The following ECPAS variants were observed in gnomAD, a reference collection of about 807,000 sequenced individuals.
ECPAS encodes Ecm29 proteasome adaptor and scaffold.
In ECPAS, 70 loss-of-function variants were observed where a neutral mutation model predicts 255.1. The observed-to-expected ratio is 0.27, with a 90% confidence interval of 0.23 to 0.33. ECPAS has a LOEUF of 0.33. ECPAS is among the 10% of genes least tolerant of loss of function. ECPAS has a pLI of 1.00. For missense variants in ECPAS, 1,817 were observed against 2,206.4 expected (o/e 0.82, Z 3.54); for synonymous variants, 784 against 775.0 (o/e 1.01, Z -0.19).
At chr9:111,414,771 C>T (rs531212399) in intron 18 of ECPAS, 120 bp from the exon 19 acceptor site, 11 of 867,760 alleles carry the variant, frequency 1.3e-5, no homozygotes, top group African/African-American at 1.7e-5. Context: ...AAAGCTATTC[C>T]AATCCTCATG....
At position 111,479,331 on chromosome 9, in the gene ECPAS, C is replaced by G. The variant is rs2098300570; in HGVS notation, c.-83+4785G>C. On this transcript the variant is annotated intron_variant, in intron 1 of 49. Transcript: ENST00000684092. Reference sequence around the variant, plus strand: ...TGTTAAGGCAGGCAGGGCACAGTGGCTCACACCTTTAATTCTAGCACTTTG... The same window carrying G: ...TGTTAAGGCAGGCAGGGCACAGTGGGTCACACCTTTAATTCTAGCACTTTG... Among the ~76,000 whole-genome samples the G allele has an allele frequency of 2.6e-5, 4 of 152,252 alleles. No individual in the cohort carries two copies. In the South Asian group the frequency reaches 8.3e-4, roughly 32 times the overall value.
Position 111,392,792 on chromosome 9 carries a change from A to G in ECPAS, c.3068T>C (p.Val1023Ala). ...CCTTTTGCCAGTCATAAGTGTTTCC[A>G]CAAGTGTAGAAACCAATTCCTGTTG... The part of the protein sequence containing the change: ...QDQQELVSTL[V>A]ETLMTGKRVK... Residue 1023 changes from valine (V) to alanine (A), a missense_variant, in exon 28 of 50, where the codon GTG becomes GCG. By Grantham distance (64) the Val-to-Ala change is moderately conservative. Coordinates refer to ENST00000684092, the MANE Select transcript of ECPAS (RefSeq NM_001364929.1). 2 of 1,613,258 alleles carry G rather than the reference A, an allele frequency of 1.2e-6. No individual in the cohort carries two copies. Among genetic ancestry groups the G allele is most frequent in the Non-Finnish European group, 1.7e-6 (2 of 1,179,580 alleles).
chr9:111,474,585 G>T (rs547811825), intron 1 of ECPAS, among the ~76,000 whole-genome samples: 2 of 152,190 alleles, frequency 1.3e-5, no homozygotes, highest in East Asian at 1.9e-4. Context: ...CTCATGTTAC[G>T]CTCCTGCTTA....
chr9:111,453,431 G>GT (rs1438884506), intron 2 of ECPAS, among the ~76,000 whole-genome samples: 1 of 151,816 alleles, frequency 6.6e-6, no homozygotes, highest in African/African-American at 2.4e-5. Flanking sequence ...GAAAGAAACT[G>GT]GGGGGGAAGA....
At chr9:111,407,446 G>T (rs920297628) in intron 24 of ECPAS, among the ~76,000 whole-genome samples, 1 of 45,472 alleles carries the variant, frequency 2.2e-5, no homozygotes, top group Non-Finnish European at 4.3e-5. Flanking sequence ...AAACCTAGAA[G>T]AAACCCACCT....
chr9:111,413,940 T>C lies in ECPAS; in HGVS notation c.2034A>G (p.Pro678=), dbSNP rs753924150. The change falls in exon 20 of 50, where the codon CCA becomes CCG. Residue 678 remains proline, a synonymous_variant. Coordinates refer to ENST00000684092, the MANE Select transcript of ECPAS (RefSeq NM_001364929.1). ...YCLLEAVSVY[P]EKLATKFVDK... ...CTACAAATTTGGTAGCCAGCTTTTCTGGATACACTGACACAGCTTCCAATA... is the reference window on the plus strand; with the variant it reads ...CTACAAATTTGGTAGCCAGCTTTTCCGGATACACTGACACAGCTTCCAATA... The C allele has an allele frequency of 2.4e-5, 38 of 1,590,560 alleles. No individual in the cohort carries two copies. The African/African-American group carries it at 4.9e-4, about 21-fold the overall frequency.
chr9:111,479,627 T>TAA (rs2098301169), intron 1 of ECPAS, among the ~76,000 whole-genome samples: 1 of 151,896 alleles, frequency 6.6e-6, no homozygotes, highest in Admixed American at 6.6e-5. Context: ...GTTAAGGTGG[T>TAA]AAATTTTATG....
intron 9 of ECPAS, 94 bp from the exon 10 acceptor site, chr9:111,428,255 A>G: frequency 1.6e-6 from 2 of 1,267,612 alleles, no homozygotes; most frequent in Non-Finnish European, 2.2e-6. Context: ...GGTCTCTCAA[A>G]CTTTGTTTCA....
intron 4 of ECPAS, among the ~76,000 whole-genome samples, chr9:111,443,538 C>A (rs947874727): frequency 3.3e-5 from 5 of 149,952 alleles, no homozygotes; most frequent in African/African-American, 1.2e-4. Flanking sequence ...TATGAGCCGA[C>A]GTGCCTGGCC....
chr9:111,425,213 C>T (rs1325328484), intron 12 of ECPAS, among the ~76,000 whole-genome samples: 2 of 151,716 alleles, frequency 1.3e-5, no homozygotes, highest in African/African-American at 2.4e-5. Flanking sequence ...ATAGTAAGAC[C>T]TCATATCAGT....
At chr9:111,469,205 T>G (rs898388796) in intron 2 of ECPAS, among the ~76,000 whole-genome samples, 2 of 151,142 alleles carry the variant, frequency 1.3e-5, no homozygotes, top group African/African-American at 4.9e-5. Context: ...GCCACTGCAT[T>G]CCAGCCTGGG....
At chr9:111,374,559 T>C (rs2098131201) in intron 38 of ECPAS, among the ~76,000 whole-genome samples, 1 of 152,214 alleles carries the variant, frequency 6.6e-6, no homozygotes, top group African/African-American at 2.4e-5. Flanking sequence ...TAACAGCAGT[T>C]ATCTCTGTAT....
intron 6 of ECPAS, among the ~76,000 whole-genome samples, chr9:111,439,869 T>C (rs754357606): frequency 3.3e-5 from 5 of 151,362 alleles, no homozygotes; most frequent in Admixed American, 6.6e-5. Flanking sequence ...CAAAACTAGA[T>C]GATAGCAGTG....
intron 30 of ECPAS, 96 bp downstream of exon 30, chr9:111,389,888 A>G: frequency 8.9e-7 from 1 of 1,127,274 alleles, no homozygotes; most frequent in Non-Finnish European, 1.3e-6. Flanking sequence ...ACAGACTTTC[A>G]CAAAATGCAC....
chr9:111,442,980 G>A (rs760975093), intron 4 of ECPAS, among the ~76,000 whole-genome samples: 7 of 152,158 alleles, frequency 4.6e-5, no homozygotes, highest in Non-Finnish European at 1.0e-4. Flanking sequence ...TCTGAAATTC[G>A]AAATACTACA....
At chr9:111,393,883 A>G in intron 26 of ECPAS, 149 bp from the exon 27 acceptor site, 1 of 693,564 alleles carries the variant, frequency 1.4e-6, no homozygotes, top group Non-Finnish European at 2.4e-6. Flanking sequence ...GGTGGCCCAA[A>G]TCACCTGGAG....
chr9:111,411,975 C>T (rs773578352), intron 21 of ECPAS, 39 bp downstream of exon 21: 15 of 1,475,254 alleles, frequency 1.0e-5, no homozygotes, highest in Non-Finnish European at 1.3e-5. Context: ...TTATAAAACC[C>T]TATCTCCCAC....
At chr9:111,412,851 A>G (rs1379128356) in intron 20 of ECPAS, among the ~76,000 whole-genome samples, 5 of 152,192 alleles carry the variant, frequency 3.3e-5, no homozygotes, top group African/African-American at 1.2e-4. Context: ...ACTTAAAGAC[A>G]TAATTTTTAC....
intron 22 of ECPAS, among the ~76,000 whole-genome samples, chr9:111,410,661 T>C (rs1056319438): frequency 5.9e-5 from 9 of 151,986 alleles, no homozygotes; most frequent in African/African-American, 2.2e-4. Context: ...AGGCTACAGG[T>C]ACACGCCACC....
Sources: gnomAD v4.1 joint callset for allele counts (sites outside exome capture counted in the v4.1 genomes callset) on GRCh38, gnomAD v4.1.1 for gene constraint, MANE v1.5 for transcripts, NCBI Gene and HGNC (gene_info 2026-07-23, HGNC 2026-07-21) for gene names.